Variants in TINAG observed in about 807,000 individuals in gnomAD.
TINAG encodes tubulointerstitial nephritis antigen.
In TINAG, 83 loss-of-function variants were observed where a neutral mutation model predicts 72.7. The ratio of observed to expected loss-of-function variants is 1.14; its 90% CI spans 0.96 to 1.37. The LOEUF (loss-of-function observed/expected upper bound fraction) is 1.37. Ranked by LOEUF, TINAG falls within the 40% of genes most tolerant of loss-of-function variation. The pLI is 0.00. For synonymous variants in TINAG, 234 were observed against 189.9 expected, an observed-to-expected ratio of 1.23 and a Z score of -1.91; for missense variants, 685 against 576.6, an observed-to-expected ratio of 1.19 and a Z score of -1.93.
chr6:54,347,131 A>C (rs1785141211), intron 5 of TINAG, among the ~76,000 whole-genome samples: 1 of 152,264 alleles, frequency 6.6e-6, no homozygotes, highest in African/African-American at 2.4e-5. Flanking sequence ...AAACTAAAAA[A>C]ATCTTTGAAG....
intron 9 of TINAG, among the ~76,000 whole-genome samples, chr6:54,379,362 A>G (rs1763876054): frequency 6.6e-6 from 1 of 152,184 alleles, no homozygotes; most frequent in African/African-American, 2.4e-5. Flanking sequence ...AAAACAGGTT[A>G]ATAATACCTA....
intron 4 of TINAG, among the ~76,000 whole-genome samples, chr6:54,333,341 A>G (rs1289400252): frequency 6.6e-6 from 1 of 152,190 alleles, no homozygotes; most frequent in African/African-American, 2.4e-5. Flanking sequence ...GCTGGAAACC[A>G]TCATTCTCAG....
At chr6:54,337,308 A>T (rs1213247123) in intron 4 of TINAG, among the ~76,000 whole-genome samples, 1 of 132,924 alleles carries the variant, frequency 7.5e-6, no homozygotes. Flanking sequence ...ACTGGAGTGC[A>T]GTGCTGCTAT....
At chr6:54,335,906 T>C (rs1246421764) in intron 4 of TINAG, among the ~76,000 whole-genome samples, 3 of 152,084 alleles carry the variant, frequency 2.0e-5, no homozygotes, top group African/African-American at 4.8e-5. Context: ...ATGCTGAAAA[T>C]TTCCATGCAC....
intron 4 of TINAG, among the ~76,000 whole-genome samples, chr6:54,328,622 T>A (rs114424496): frequency 0.014 from 2,197 of 151,952 alleles, 57 homozygotes; most frequent in African/African-American, 0.05. Context: ...GAGAATGAGT[T>A]TGATGAATTG....
chr6:54,388,378 GGGTT>G (rs1297065019), intron 10 of TINAG, among the ~76,000 whole-genome samples: 2 of 152,094 alleles, frequency 1.3e-5, no homozygotes, highest in Non-Finnish European at 2.9e-5. Flanking sequence ...TAAAGTATCA[GGGTT>G]GATTAAGGAG....
chr6:54,315,156 A>G (rs945532435), intron 1 of TINAG, among the ~76,000 whole-genome samples: 1 of 152,152 alleles, frequency 6.6e-6, no homozygotes, highest in African/African-American at 2.4e-5. Context: ...TCTATTAAAT[A>G]TATTTTTCAG....
In TINAG at chr6:54,390,113, C is replaced by A; in HGVS notation, c.*188C>A. 3 of 709,960 alleles carry A rather than the reference C, an allele frequency of 4.2e-6. No individual in the cohort carries two copies. The highest frequency in any genetic ancestry group is 4.3e-6 in the Non-Finnish European group (2 of 465,450). 44.0% of individuals were successfully genotyped at this position (709,960 alleles called of 1,614,324 possible). A position where few individuals can be genotyped will look rare whatever the true frequency, so the allele number is the denominator to read the frequency against. Reference sequence around the variant, plus strand: ...TCATATTACTGAGCATTAACAACACCAATAAAGGACAGCAGAGTCCCTAAA... The same window carrying A: ...TCATATTACTGAGCATTAACAACACAAATAAAGGACAGCAGAGTCCCTAAA... On this transcript the variant is annotated 3_prime_UTR_variant, in exon 11 of 11. Transcript: ENST00000259782.
chr6:54,331,809 C>A (rs548351268), intron 4 of TINAG, among the ~76,000 whole-genome samples: 41 of 152,140 alleles, frequency 2.7e-4, no homozygotes, highest in Admixed American at 1.4e-3. Flanking sequence ...TCCTATACAC[C>A]AATAATAGAT....
At chr6:54,377,205 C>CA (rs1763808588) in intron 9 of TINAG, among the ~76,000 whole-genome samples, 1 of 152,092 alleles carries the variant, frequency 6.6e-6, no homozygotes, top group Non-Finnish European at 1.5e-5. Flanking sequence ...ACTGTGCTCA[C>CA]AAAGGTATAG....
chr6:54,323,003 T>A (rs890282654), intron 3 of TINAG, among the ~76,000 whole-genome samples: 4 of 152,178 alleles, frequency 2.6e-5, no homozygotes, highest in Admixed American at 6.6e-5. Flanking sequence ...CACCTAAGAA[T>A]ACACACTTAG....
intron 7 of TINAG, among the ~76,000 whole-genome samples, chr6:54,350,990 T>C (rs142018611): frequency 3.5e-4 from 53 of 151,984 alleles, no homozygotes; most frequent in African/African-American, 1.2e-3. Flanking sequence ...ATAGAAATAT[T>C]TGTACTAAAG....
At chr6:54,322,482 T>C (rs751167770) in intron 3 of TINAG, among the ~76,000 whole-genome samples, 13 of 152,232 alleles carry the variant, frequency 8.5e-5, no homozygotes, top group Admixed American at 2.0e-4. Context: ...TGATAACATC[T>C]TCTACATTTC....
At chr6:54,384,017 G>A (rs888584091) in intron 10 of TINAG, among the ~76,000 whole-genome samples, 8 of 152,030 alleles carry the variant, frequency 5.3e-5, no homozygotes, top group African/African-American at 1.4e-4. Context: ...AGAATACTAC[G>A]CATCAATAAA....
At chr6:54,328,557 CTCT>C (rs1011329489) in intron 4 of TINAG, among the ~76,000 whole-genome samples, 4 of 152,020 alleles carry the variant, frequency 2.6e-5, no homozygotes, top group African/African-American at 7.2e-5. Context: ...ACCAGAATGC[CTCT>C]TCTTCTCCAA....
chr6:54,364,356 C>A (rs1763340890), intron 9 of TINAG, among the ~76,000 whole-genome samples: 2 of 151,372 alleles, frequency 1.3e-5, no homozygotes. Flanking sequence ...ATATGCATAA[C>A]ACATCAACTC....
intron 9 of TINAG, among the ~76,000 whole-genome samples, chr6:54,362,163 G>A (rs369809836): frequency 6.6e-6 from 1 of 151,822 alleles, no homozygotes. Context: ...GACTTTCAAT[G>A]TGGGTGAAAC....
chr6:54,382,344 T>A (rs1763977247), intron 10 of TINAG, among the ~76,000 whole-genome samples: 1 of 152,090 alleles, frequency 6.6e-6, no homozygotes. Flanking sequence ...TATTTACCAA[T>A]GTATCTCAAG....
intron 1 of TINAG, among the ~76,000 whole-genome samples, chr6:54,312,057 GT>G (rs1055750685): frequency 1.3e-5 from 2 of 150,622 alleles, no homozygotes; most frequent in African/African-American, 4.9e-5. Flanking sequence ...TTTTTTGTTT[GT>G]TTTTTGTTTT....
Sources: allele counts gnomAD v4.1 joint callset (sites outside exome capture counted in the v4.1 genomes callset), GRCh38; gene constraint gnomAD v4.1.1; transcripts MANE v1.5; gene names NCBI Gene and HGNC (gene_info 2026-07-23, HGNC 2026-07-21).